ASTN2: variants seen among roughly 807,000 people sequenced by gnomAD.
ASTN2 encodes the protein astrotactin-2.
ASTN2 carries 54 observed loss-of-function variants against 139.8 expected under a neutral mutation model. That is an observed-to-expected ratio of 0.39 (90% CI 0.31 to 0.48). ASTN2 has a LOEUF of 0.48. ASTN2 is among the 20% of genes least tolerant of loss of function. The pLI, the probability that ASTN2 is intolerant of heterozygous loss-of-function variation, is 0.95. For missense variants in ASTN2, 1,565 were observed against 1,725.1 expected (o/e 0.91, Z 1.64); for synonymous variants, 756 against 719.5 (o/e 1.05, Z -0.81).
chr9:117,126,484 G>A (rs527649029), intron 4 of ASTN2, among the ~76,000 whole-genome samples: 1 of 152,304 alleles, frequency 6.6e-6, no homozygotes, highest in South Asian at 2.1e-4. Context: ...ACTCTTAAAA[G>A]AGTAAAGAGC....
rs143318456 is a variant in ASTN2, at chr9:116,753,837, C to T, written c.2397-20314G>A. Among the ~76,000 whole-genome samples the T allele has an allele frequency of 4.5e-3, 680 of 151,546 alleles. 7 individuals are homozygous for T. Among genetic ancestry groups the T allele is most frequent in the African/African-American group, 0.016 (650 of 41,202 alleles). ...TAAGTTCTGGGGTATGTGTGCAGAACGTGCAGGTTTGTTACATACGTATAC... is the reference window on the plus strand; with the variant it reads ...TAAGTTCTGGGGTATGTGTGCAGAATGTGCAGGTTTGTTACATACGTATAC... On this transcript the variant is annotated intron_variant, in intron 13 of 22. Coordinates refer to ENST00000313400, the MANE Select transcript of ASTN2 (RefSeq NM_001365068.1).
intron 13 of ASTN2, among the ~76,000 whole-genome samples, chr9:116,779,919 T>C (rs1336979901): frequency 6.6e-6 from 1 of 152,218 alleles, no homozygotes; most frequent in Non-Finnish European, 1.5e-5. Context: ...ATTCATAGAA[T>C]CAATCATTTA....
chr9:116,844,784 T>G (rs1478158764), intron 11 of ASTN2, among the ~76,000 whole-genome samples: 1 of 152,172 alleles, frequency 6.6e-6, no homozygotes, highest in Non-Finnish European at 1.5e-5. Flanking sequence ...TGGCTTGAGT[T>G]CCAATGAAAT....
intron 12 of ASTN2, among the ~76,000 whole-genome samples, chr9:116,809,023 A>T (rs1841636650): frequency 6.6e-6 from 1 of 152,038 alleles, no homozygotes; most frequent in Non-Finnish European, 1.5e-5. Context: ...ATATATGCTC[A>T]ATATTTTCTG....
At chr9:116,437,695 A>G (rs1847702690) in intron 22 of ASTN2, 2 of 430,966 alleles carry the variant, frequency 4.6e-6, no homozygotes, top group African/African-American at 4.1e-5. Flanking sequence ...CTCTGTCCAC[A>G]GGCAAGATGG....
intron 15 of ASTN2, among the ~76,000 whole-genome samples, chr9:116,728,320 T>C (rs928393784): frequency 1.3e-5 from 2 of 150,048 alleles, no homozygotes; most frequent in African/African-American, 4.9e-5. Flanking sequence ...GAGAATTCCG[T>C]GAGTTGTTTT....
rs140243620 is a variant in ASTN2 at position 116,505,416 on chromosome 9, T to C, written c.3356-17916A>G. ...AAATGGATCTGAGTAGTCATTAGAA[T>C]TTATTTTTTAAGAAAAGCAAGGCAA... is the stretch of plus-strand genomic sequence containing the variant. On this transcript the variant is annotated intron_variant, in intron 19 of 22. Coordinates refer to ENST00000313400, the MANE Select transcript of ASTN2 (RefSeq NM_001365068.1). Among the ~76,000 whole-genome samples the C allele has an allele frequency of 1.8e-4, 28 of 152,228 alleles. 2 individuals are homozygous for C. The East Asian group carries it at 5.4e-3, about 29-fold the overall frequency.
In ASTN2 at chr9:116,425,768, C is replaced by A. The variant is rs1847286761; in HGVS notation, c.*83G>T. ...AGGCCCATCCTCAGCTGTCCCCCAG[C>A]CCACCCAGGCCCCAGGATCCAGGAG... On this transcript the variant is annotated 3_prime_UTR_variant, in exon 23 of 23. Transcript: ENST00000313400. 6.2e-7 allele frequency: 1 copy of A among 1,605,214 alleles called. No homozygotes were observed. The highest frequency in any genetic ancestry group is 1.3e-5 in the African/African-American group (1 of 74,730).
At chr9:116,574,614 A>ATCT (rs1186014807) in intron 19 of ASTN2, among the ~76,000 whole-genome samples, 1 of 152,244 alleles carries the variant, frequency 6.6e-6, no homozygotes, top group Non-Finnish European at 1.5e-5. Context: ...AAGGCAGAGA[A>ATCT]AGACAACAAA....
chr9:116,887,834 A>C (rs577498369), intron 10 of ASTN2, among the ~76,000 whole-genome samples: 71 of 151,882 alleles, frequency 4.7e-4, no homozygotes, highest in Non-Finnish European at 6.9e-4. Context: ...CATCCAGCTA[A>C]GTTTTATATT....
intron 12 of ASTN2, among the ~76,000 whole-genome samples, chr9:116,814,242 C>A (rs1389764481): frequency 6.6e-6 from 1 of 152,060 alleles, no homozygotes; most frequent in Non-Finnish European, 1.5e-5. Flanking sequence ...GGGCTAGAAC[C>A]AGCACCTAAG....
At chr9:117,230,074 C>T (rs756538109) in intron 2 of ASTN2, among the ~76,000 whole-genome samples, 1 of 149,140 alleles carries the variant, frequency 6.7e-6, no homozygotes, top group Non-Finnish European at 1.5e-5. Flanking sequence ...GAGGCTGAGG[C>T]AGGTCTGCTT....
chr9:117,318,598 C>T (rs997011190), intron 1 of ASTN2, among the ~76,000 whole-genome samples: 1 of 152,144 alleles, frequency 6.6e-6, no homozygotes, highest in African/African-American at 2.4e-5. Flanking sequence ...GAAGAATAAG[C>T]CACACCTTTC....
At chr9:117,370,017 T>C (rs1368656576) in intron 1 of ASTN2, among the ~76,000 whole-genome samples, 1 of 152,110 alleles carries the variant, frequency 6.6e-6, no homozygotes, top group East Asian at 1.9e-4. Context: ...AAGCTACAGG[T>C]TGGCCCTAAG....
At chr9:117,411,440 G>A (rs1273614631) in intron 1 of ASTN2, among the ~76,000 whole-genome samples, 2 of 61,472 alleles carry the variant, frequency 3.3e-5, no homozygotes, top group African/African-American at 1.4e-4. Context: ...AAAAGGAAAG[G>A]ATCTGCAAAA....
At chr9:116,652,996 A>C (rs1270593498) in intron 16 of ASTN2, among the ~76,000 whole-genome samples, 3 of 152,108 alleles carry the variant, frequency 2.0e-5, no homozygotes, top group Non-Finnish European at 4.4e-5. Flanking sequence ...TCATTGCCCC[A>C]GCCCTTCTTT....
intron 13 of ASTN2, among the ~76,000 whole-genome samples, chr9:116,799,709 G>GGA (rs1554748057): frequency 7.3e-6 from 1 of 136,550 alleles, no homozygotes; most frequent in Admixed American, 7.0e-5. Context: ...AAGAGAGTGG[G>GGA]GGGGGGGAGA....
intron 4 of ASTN2, among the ~76,000 whole-genome samples, chr9:117,106,249 CAG>C (rs1829099751): frequency 6.6e-6 from 1 of 151,748 alleles, no homozygotes; most frequent in Non-Finnish European, 1.5e-5. Context: ...TCTTTTGAGA[CAG>C]AATCTCATTC....
chr9:117,293,816 T>C (rs1834656871), intron 1 of ASTN2, among the ~76,000 whole-genome samples: 2 of 152,052 alleles, frequency 1.3e-5, no homozygotes, highest in Admixed American at 1.3e-4. Context: ...AAACCAGAGG[T>C]CCAGGGAACC....
Sources: gnomAD v4.1 joint callset for allele counts (sites outside exome capture counted in the v4.1 genomes callset) on GRCh38, gnomAD v4.1.1 for gene constraint, MANE v1.5 for transcripts, NCBI Gene and HGNC (gene_info 2026-07-23, HGNC 2026-07-21) for gene names.